The following GLRA2 variants were observed in gnomAD, a reference collection of about 807,000 sequenced individuals.
GLRA2 encodes glycine receptor alpha 2.
A neutral mutation model predicts 31.6 loss-of-function variants in GLRA2; 11 were observed. The ratio of observed to expected loss-of-function variants is 0.35; its 90% CI spans 0.22 to 0.58. GLRA2 has a LOEUF of 0.58. GLRA2 is among the 20% of genes least tolerant of loss of function. The pLI, the probability that GLRA2 is intolerant of heterozygous loss-of-function variation, is 0.84. For missense variants in GLRA2, 212 were observed against 351.8 expected, an observed-to-expected ratio of 0.60 and a Z score of 3.18; for synonymous variants, 132 against 134.0, an observed-to-expected ratio of 0.99 and a Z score of 0.10.
chrX:14,680,401 T>C (rs890119814), intron 7 of GLRA2, among the ~76,000 whole-genome samples: 4 of 112,264 alleles, frequency 3.6e-5, no homozygotes, highest in Non-Finnish European at 1.9e-5. Flanking sequence ...ACCAACTTAG[T>C]TAATCATAAC....
At chrX:14,457,086 T>C in the GLRA2 span, among the ~76,000 whole-genome samples, 1 of 112,423 alleles carries the variant, frequency 8.9e-6, no homozygotes, top group Non-Finnish European at 1.9e-5. Flanking sequence ...ACAGTAGTTT[T>C]GTTTTGCGTT....
chrX:14,469,658 A>C, the GLRA2 span, among the ~76,000 whole-genome samples: 1 of 89,836 alleles, frequency 1.1e-5, no homozygotes, highest in Non-Finnish European at 2.1e-5. Context: ...GAATACATGG[A>C]CACAGGAAGG....
intron 3 of GLRA2, among the ~76,000 whole-genome samples, chrX:14,575,221 G>A (rs1414737469): frequency 1.0e-5 from 1 of 99,133 alleles, no homozygotes; most frequent in Non-Finnish European, 2.0e-5. Context: ...TTTTTTTTGA[G>A]ATGGAGTCTC....
chrX:14,477,793 C>T, the GLRA2 span, among the ~76,000 whole-genome samples: 1 of 110,900 alleles, frequency 9.0e-6, no homozygotes, highest in South Asian at 3.8e-4. Flanking sequence ...ATCTTGGATG[C>T]AGTAGAATCC....
At chrX:14,512,606 T>C in the GLRA2 span, among the ~76,000 whole-genome samples, 12 of 111,665 alleles carry the variant, frequency 1.1e-4, no homozygotes, top group Middle Eastern at 4.6e-3. Flanking sequence ...CACAAATCAG[T>C]AACTCTGCTA....
chrX:14,529,938 G>C lies in GLRA2; in HGVS notation c.-120G>C, dbSNP rs2146996376. ...ACTGTACAAAACCAAATCTCTTTTT[G>C]ATTTTCAAGGAAACTAGGTTCCTGC... On this transcript the variant is annotated 5_prime_UTR_variant, in exon 1 of 9. Coordinates refer to ENST00000218075, the MANE Select transcript of GLRA2 (RefSeq NM_002063.4). 2 of 574,010 alleles carry C rather than the reference G, an allele frequency of 3.5e-6. No homozygotes were observed. Among genetic ancestry groups the C allele is most frequent in the East Asian group, 6.9e-5 (2 of 29,120 alleles). The allele number at this position is 574,010 out of a possible 1,213,427, so 47.3% of individuals were successfully genotyped here.
chrX:14,485,633 C>T, the GLRA2 span, among the ~76,000 whole-genome samples: 1 of 111,333 alleles, frequency 9.0e-6, no homozygotes, highest in Admixed American at 9.6e-5. Flanking sequence ...GGCAAGTTTT[C>T]AGCAAATATG....
rs58282642 is a variant in GLRA2, at chrX:14,557,102, C to CTTTTTT, written c.203-17205_203-17200dup. Among the ~76,000 whole-genome samples the CTTTTTT allele has an allele frequency of 6.7e-4, 31 of 46,345 alleles. 2 individuals carry two copies. Among genetic ancestry groups the CTTTTTT allele is most frequent in the African/African-American group, 1.8e-3 (19 of 10,468 alleles). 40.2% of individuals were successfully genotyped at this position (46,345 alleles called of 115,157 possible). The stretch of plus-strand genomic sequence containing the variant: ...TGCCATGTCTTCACCTAAAGTATTT[C>CTTTTTT]TTTTTTTTTTTTTTTTTTTTTTTTT... On this transcript the variant is annotated intron_variant, in intron 2 of 8. Coordinates refer to ENST00000218075, the MANE Select transcript of GLRA2 (RefSeq NM_002063.4).
At chrX:14,664,537 G>A (rs978277656) in intron 7 of GLRA2, among the ~76,000 whole-genome samples, 2 of 111,890 alleles carry the variant, frequency 1.8e-5, no homozygotes, top group African/African-American at 6.5e-5. Flanking sequence ...CCCTTCAGCT[G>A]TCAGCTTACT....
intron 4 of GLRA2, among the ~76,000 whole-genome samples, chrX:14,601,907 G>T (rs1265503562): frequency 9.0e-6 from 1 of 111,575 alleles, no homozygotes; most frequent in Admixed American, 9.5e-5. Flanking sequence ...GATATAAAAG[G>T]TGTTTGAGAT....
At chrX:14,566,429 G>C (rs2089807285) in intron 2 of GLRA2, among the ~76,000 whole-genome samples, 2 of 111,963 alleles carry the variant, frequency 1.8e-5, no homozygotes, top group Admixed American at 1.9e-4. Context: ...GGAAACACTT[G>C]TTAACTCATT....
At chrX:14,579,911 AAAG>A (rs2089997601) in intron 3 of GLRA2, among the ~76,000 whole-genome samples, 1 of 112,258 alleles carries the variant, frequency 8.9e-6, no homozygotes, top group Admixed American at 9.5e-5. Context: ...AATAGGTAAA[AAAG>A]AAAAACAAAA....
intron 7 of GLRA2, among the ~76,000 whole-genome samples, chrX:14,660,085 T>C (rs1212098289): frequency 9.0e-6 from 1 of 111,728 alleles, no homozygotes; most frequent in East Asian, 2.8e-4. Context: ...AAGTAATATA[T>C]ACAACAAATA....
intron 8 of GLRA2, among the ~76,000 whole-genome samples, chrX:14,708,619 T>A (rs1467390026): frequency 9.0e-6 from 1 of 111,327 alleles, no homozygotes. Context: ...TCTGCCCAAT[T>A]ATACAGCACA....
chrX:14,466,229 T>C, the GLRA2 span, among the ~76,000 whole-genome samples: 1 of 110,959 alleles, frequency 9.0e-6, no homozygotes, highest in Admixed American at 9.7e-5. Flanking sequence ...AAGCAATTAA[T>C]TAGCAAGTAA....
intron 7 of GLRA2, among the ~76,000 whole-genome samples, chrX:14,621,886 A>G (rs1244739822): frequency 8.9e-6 from 1 of 112,055 alleles, no homozygotes; most frequent in East Asian, 2.8e-4. Context: ...CAGTAATGGG[A>G]TGGCTGGGTC....
At chrX:14,509,453 C>G in the GLRA2 span, among the ~76,000 whole-genome samples, 2 of 112,633 alleles carry the variant, frequency 1.8e-5, no homozygotes, top group African/African-American at 6.4e-5. Context: ...ATTAGATGAG[C>G]TCTGTATTGT....
chrX:14,721,404 CACT>C (rs894921293), intron 8 of GLRA2, among the ~76,000 whole-genome samples: 3 of 111,381 alleles, frequency 2.7e-5, no homozygotes, highest in Non-Finnish European at 1.9e-5. Context: ...CACAACAAAA[CACT>C]ACATTATACT....
the GLRA2 span, among the ~76,000 whole-genome samples, chrX:14,463,528 C>T: frequency 9.0e-6 from 1 of 111,487 alleles, no homozygotes; most frequent in Non-Finnish European, 1.9e-5. Context: ...TACCCTGCAG[C>T]TTTGTTTACA....
Sources: allele counts gnomAD v4.1 joint callset (sites outside exome capture counted in the v4.1 genomes callset), GRCh38; gene constraint gnomAD v4.1.1; transcripts MANE v1.5; gene names NCBI Gene and HGNC (gene_info 2026-07-23, HGNC 2026-07-21).